Variants in KSR2 observed in about 807,000 individuals in gnomAD.
The protein encoded by KSR2 is kinase suppressor of ras 2.
In KSR2, 25 loss-of-function variants were observed where a neutral mutation model predicts 107.8. That is an observed-to-expected ratio of 0.23 (90% CI 0.17 to 0.32). The LOEUF is 0.32. KSR2 is among the 10% of genes least tolerant of loss of function. The probability of loss-of-function intolerance (pLI) is 1.00; values close to 1 mark genes in which losing one functional copy is unlikely to be tolerated. For missense variants in KSR2, 887 were observed against 1,268.9 expected (o/e 0.70, Z 4.57); for synonymous variants, 480 against 507.0 (o/e 0.95, Z 0.71).
chr12:117,844,310 G>A (rs1892615555), intron 3 of KSR2, among the ~76,000 whole-genome samples: 2 of 152,020 alleles, frequency 1.3e-5, no homozygotes, highest in South Asian at 2.1e-4. Flanking sequence ...ACACGGAACA[G>A]AAGAACCACC....
chr12:117,642,106 C>T (rs185847337), intron 5 of KSR2, among the ~76,000 whole-genome samples: 31 of 152,338 alleles, frequency 2.0e-4, no homozygotes, highest in African/African-American at 7.5e-4. Context: ...CCCTGATCCC[C>T]GGCTAGATTA....
intron 4 of KSR2, among the ~76,000 whole-genome samples, chr12:117,687,881 C>T (rs1382331925): frequency 6.6e-6 from 1 of 152,242 alleles, no homozygotes; most frequent in Non-Finnish European, 1.5e-5. Flanking sequence ...GTCATCCCTG[C>T]TACTTAGAGC....
intron 4 of KSR2, among the ~76,000 whole-genome samples, chr12:117,760,169 A>G (rs1888947360): frequency 6.6e-6 from 1 of 152,280 alleles, no homozygotes; most frequent in East Asian, 1.9e-4. Context: ...GATAGACCAC[A>G]CTGTGTTTAC....
chr12:117,746,612 C>T (rs751544507), intron 4 of KSR2, among the ~76,000 whole-genome samples: 5 of 151,978 alleles, frequency 3.3e-5, no homozygotes, highest in Non-Finnish European at 5.9e-5. Context: ...AGCTTCTGCA[C>T]AGCAAAAGAA....
intron 10 of KSR2, 168 bp downstream of exon 10, chr12:117,539,551 G>T (rs536514213): frequency 1.4e-5 from 8 of 572,660 alleles, no homozygotes; most frequent in Non-Finnish European, 2.4e-5. Context: ...AATTGCTTAG[G>T]GTACGATAAG....
chr12:117,874,001 C>T (rs1447708872), intron 1 of KSR2, among the ~76,000 whole-genome samples: 1 of 152,124 alleles, frequency 6.6e-6, no homozygotes, highest in Non-Finnish European at 1.5e-5. Context: ...CGTTTTTTTG[C>T]ATTTCATTTC....
intron 3 of KSR2, among the ~76,000 whole-genome samples, chr12:117,825,648 C>G (rs1891716913): frequency 6.6e-6 from 1 of 152,076 alleles, no homozygotes; most frequent in African/African-American, 2.4e-5. Context: ...CTCAAATCAT[C>G]TCATTGTTTC....
At chr12:117,771,666 C>T (rs1460816120) in intron 3 of KSR2, among the ~76,000 whole-genome samples, 1 of 152,092 alleles carries the variant, frequency 6.6e-6, no homozygotes, top group African/African-American at 2.4e-5. Flanking sequence ...GCTGTTATCC[C>T]CATCCTACTG....
chr12:117,817,120 AAC>A (rs1480686614), intron 3 of KSR2, among the ~76,000 whole-genome samples: 1 of 152,150 alleles, frequency 6.6e-6, no homozygotes, highest in Admixed American at 6.5e-5. Context: ...GAAATCCCAG[AAC>A]ACAGTTTTCA....
At chr12:117,507,637 C>A in intron 14 of KSR2, among the ~76,000 whole-genome samples, 1 of 152,182 alleles carries the variant, frequency 6.6e-6, no homozygotes, top group East Asian at 1.9e-4. Flanking sequence ...TGCCTTCAGA[C>A]AGGAATGTGC....
intron 1 of KSR2, among the ~76,000 whole-genome samples, chr12:117,890,290 C>G (rs1030712497): frequency 1.3e-5 from 2 of 152,192 alleles, no homozygotes; most frequent in Admixed American, 1.3e-4. Flanking sequence ...AAGCTAGTAA[C>G]TAGTTTGATC....
At chr12:117,698,731 T>C (rs1414216599) in intron 4 of KSR2, among the ~76,000 whole-genome samples, 1 of 152,136 alleles carries the variant, frequency 6.6e-6, no homozygotes, top group Non-Finnish European at 1.5e-5. Context: ...CCTGAAAGCC[T>C]CCAGAATTCC....
chr12:117,612,012 G>T (rs1881630954), intron 5 of KSR2, among the ~76,000 whole-genome samples: 1 of 152,138 alleles, frequency 6.6e-6, no homozygotes, highest in African/African-American at 2.4e-5. Context: ...GTTTCAGTTG[G>T]GAAAGATGAA....
intron 4 of KSR2, among the ~76,000 whole-genome samples, chr12:117,702,118 T>C (rs1445940480): frequency 6.6e-6 from 1 of 152,188 alleles, no homozygotes; most frequent in African/African-American, 2.4e-5. Context: ...CCTTTGCACA[T>C]GCTGTTGCCC....
intron 5 of KSR2, among the ~76,000 whole-genome samples, chr12:117,653,242 A>G (rs1480177449): frequency 6.6e-6 from 1 of 152,268 alleles, no homozygotes; most frequent in Non-Finnish European, 1.5e-5. Context: ...CTGTACTTGT[A>G]CCAGATGTGG....
chr12:117,724,397 T>G (rs1378975049), intron 4 of KSR2, among the ~76,000 whole-genome samples: 2 of 151,646 alleles, frequency 1.3e-5, no homozygotes, highest in Non-Finnish European at 2.9e-5. Context: ...GATACTGAGG[T>G]GTTAGCCCAG....
At chr12:117,890,122 T>G (rs1380927810) in intron 1 of KSR2, among the ~76,000 whole-genome samples, 3 of 152,236 alleles carry the variant, frequency 2.0e-5, no homozygotes, top group African/African-American at 7.2e-5. Flanking sequence ...CTGATGCTGC[T>G]GGTCCAGGGA....
At position 117,761,204 on chromosome 12, in the gene KSR2, G is replaced by T; in HGVS notation, c.793C>A (p.Pro265Thr). Residue 265 changes from proline to threonine, a missense_variant, in exon 4 of 20, where the codon CCC becomes ACC. Pro to Thr is a conservative substitution (Grantham distance 38). This residue lies in a region of KSR2 where 399 missense variants were observed against 479.5 expected (regional missense o/e 0.83). Coordinates refer to ENST00000339824, the MANE Select transcript of KSR2 (RefSeq NM_173598.6). ...GGGGTCACGGTGGTGACGATGTTGG[G>T]GGTGCGCGGCGGGGTGCGGACCGCG... ...RHAVRTPPRT[P>T]NIVTTVTPPG... 1 of 1,578,772 alleles carries T rather than the reference G, an allele frequency of 6.3e-7. No individual in the cohort carries two copies. Among genetic ancestry groups the T allele is most frequent in the Non-Finnish European group, 8.6e-7 (1 of 1,161,508 alleles).
At chr12:117,655,863 A>T (rs1884130472) in intron 5 of KSR2, among the ~76,000 whole-genome samples, 1 of 152,184 alleles carries the variant, frequency 6.6e-6, no homozygotes, top group Non-Finnish European at 1.5e-5. Flanking sequence ...AATACAGGAG[A>T]TCCATTAGGG....
Sources: allele counts gnomAD v4.1 joint callset (sites outside exome capture counted in the v4.1 genomes callset), GRCh38; gene constraint gnomAD v4.1.1; regional missense constraint gnomAD v4.1.1; transcripts MANE v1.5; gene names NCBI Gene and HGNC (gene_info 2026-07-23, HGNC 2026-07-21).